The following DLGAP2 variants were observed in gnomAD, a reference collection of about 807,000 sequenced individuals.
DLGAP2 encodes disks large-associated protein 2.
A neutral mutation model predicts 100.3 loss-of-function variants in DLGAP2; 26 were observed. The observed-to-expected ratio is 0.26, with a 90% confidence interval of 0.19 to 0.36. The LOEUF (loss-of-function observed/expected upper bound fraction) is 0.36, where lower values mean the gene tolerates loss of function less well. DLGAP2 is among the 10% of genes least tolerant of loss of function. The probability of loss-of-function intolerance (pLI) is 1.00; values close to 1 mark genes in which losing one functional copy is unlikely to be tolerated. For missense variants in DLGAP2, 1,858 were observed against 1,453.2 expected, an observed-to-expected ratio of 1.28 and a Z score of -4.53; for synonymous variants, 886 against 630.1, an observed-to-expected ratio of 1.41 and a Z score of -6.08.
chr8:1,351,360 C>A (rs1332770538), intron 3 of DLGAP2, among the ~76,000 whole-genome samples: 1 of 39,636 alleles, frequency 2.5e-5, no homozygotes, highest in African/African-American at 7.9e-5. Flanking sequence ...CGTGCGGGTC[C>A]TGACTGTGTG....
At chr8:1,276,063 A>G (rs1450542016) in intron 3 of DLGAP2, among the ~76,000 whole-genome samples, 1 of 138,754 alleles carries the variant, frequency 7.2e-6, no homozygotes, top group Non-Finnish European at 1.5e-5. Flanking sequence ...ATATATAAAA[A>G]TAAATATATA....
intron 3 of DLGAP2, among the ~76,000 whole-genome samples, chr8:1,482,676 C>G (rs1170287918): frequency 6.6e-6 from 1 of 152,194 alleles, no homozygotes; most frequent in Non-Finnish European, 1.5e-5. Flanking sequence ...CGCGGTGGTT[C>G]CCACGGCCGC....
intron 3 of DLGAP2, among the ~76,000 whole-genome samples, chr8:1,329,945 T>C (rs1801110993): frequency 6.6e-6 from 1 of 152,222 alleles, no homozygotes; most frequent in African/African-American, 2.4e-5. Flanking sequence ...ACCCCAGAGC[T>C]TCCTCTCCCC....
chr8:1,122,091 C>A lies in DLGAP2; in HGVS notation c.74-136760C>A, dbSNP rs369282835. ...AGCCATTGAGCCAGAGATTGCACTC[C>A]CTTAGGTGAACTTTGAGCCAGATGT... On this transcript the variant is annotated intron_variant, in intron 2 of 14. Transcript: ENST00000637795. Among the ~76,000 whole-genome samples, 315 of 152,264 alleles carry A rather than the reference C, an allele frequency of 2.1e-3. 1 individual carries two copies. Among genetic ancestry groups the A allele is most frequent in the African/African-American group, 6.4e-3 (264 of 41,540 alleles).
intron 3 of DLGAP2, among the ~76,000 whole-genome samples, chr8:1,459,360 C>T (rs546286974): frequency 1.1e-4 from 16 of 152,370 alleles, no homozygotes; most frequent in African/African-American, 3.8e-4. Flanking sequence ...CCAGGGGTCA[C>T]CCTATTCTGC....
chr8:1,632,565 C>T (rs1473539181), intron 7 of DLGAP2, among the ~76,000 whole-genome samples: 1 of 152,188 alleles, frequency 6.6e-6, no homozygotes, highest in Non-Finnish European at 1.5e-5. Flanking sequence ...TAACTGTCAG[C>T]CTTACCTTGA....
At chr8:1,565,549 C>A in intron 5 of DLGAP2, 134 bp from the exon 6 acceptor site, 1 of 698,232 alleles carries the variant, frequency 1.4e-6, no homozygotes, top group Non-Finnish European at 2.3e-6. Flanking sequence ...TTTTATACAT[C>A]TGACTTTAAC....
At chr8:1,307,054 A>C (rs1225619630) in intron 3 of DLGAP2, among the ~76,000 whole-genome samples, 2 of 152,208 alleles carry the variant, frequency 1.3e-5, no homozygotes, top group Non-Finnish European at 2.9e-5. Context: ...ATCAGAATTA[A>C]AGCTTGTGTG....
intron 3 of DLGAP2, among the ~76,000 whole-genome samples, chr8:1,319,049 C>T (rs1457159627): frequency 6.8e-6 from 1 of 146,704 alleles, no homozygotes; most frequent in African/African-American, 2.5e-5. Flanking sequence ...CAATGGGCTC[C>T]CTGTTGCTCG....
At chr8:1,236,775 CTCTCACATGGCGCCGTGTCT>C (rs1798664692) in intron 2 of DLGAP2, among the ~76,000 whole-genome samples, 1 of 70,634 alleles carries the variant, frequency 1.4e-5, no homozygotes, top group African/African-American at 6.7e-5. Flanking sequence ...GTGTCTAGTT[CTCTCACATGGCGCCGTGTCT>C]AGTTACCTCT....
chr8:1,282,404 C>T (rs1799836236), intron 3 of DLGAP2, among the ~76,000 whole-genome samples: 2 of 140,344 alleles, frequency 1.4e-5, no homozygotes, highest in South Asian at 2.5e-4. Context: ...CGTGGTGTGA[C>T]CTGAACCCAG....
intron 2 of DLGAP2, among the ~76,000 whole-genome samples, chr8:1,135,503 G>GGTTTTTTTT (rs1554490362): frequency 1.1e-5 from 1 of 92,194 alleles, no homozygotes; most frequent in Non-Finnish European, 2.0e-5. Flanking sequence ...TTTTTTGTGG[G>GGTTTTTTTT]TTTTTTTTTT....
intron 3 of DLGAP2, among the ~76,000 whole-genome samples, chr8:1,428,412 C>A (rs183735953): frequency 6.6e-6 from 1 of 151,946 alleles, no homozygotes; most frequent in African/African-American, 2.4e-5. Context: ...ATCTCTCTTT[C>A]CTTGAGAGAG....
intron 1 of DLGAP2, among the ~76,000 whole-genome samples, chr8:835,815 C>T (rs1451728727): frequency 6.6e-6 from 1 of 152,132 alleles, no homozygotes; most frequent in East Asian, 1.9e-4. Context: ...GCTTTCTCCC[C>T]GTACCAGCCG....
chr8:758,378 A>C (rs1190320731), intron 1 of DLGAP2, among the ~76,000 whole-genome samples: 1 of 152,176 alleles, frequency 6.6e-6, no homozygotes, highest in African/African-American at 2.4e-5. Context: ...TGTATTTAAA[A>C]ACTTAAAAAT....
chr8:1,283,162 C>T (rs547394407), intron 3 of DLGAP2, among the ~76,000 whole-genome samples: 232 of 148,328 alleles, frequency 1.6e-3, no homozygotes, highest in African/African-American at 5.0e-3. Flanking sequence ...ACCATCTGGA[C>T]GTGGTGTGAC....
chr8:822,124 C>T, intron 1 of DLGAP2: 1 of 399,642 alleles, frequency 2.5e-6, no homozygotes, highest in Non-Finnish European at 4.4e-6. Flanking sequence ...GGCCCTAGCC[C>T]TGCGCGGCTT....
At chr8:1,567,517 T>C (rs761175795) in intron 6 of DLGAP2, among the ~76,000 whole-genome samples, 6 of 152,182 alleles carry the variant, frequency 3.9e-5, no homozygotes, top group Non-Finnish European at 7.3e-5. Context: ...GACTAAGTGT[T>C]TTAAGAATTA....
At chr8:1,306,674 G>C (rs188549687) in intron 3 of DLGAP2, among the ~76,000 whole-genome samples, 2 of 152,004 alleles carry the variant, frequency 1.3e-5, no homozygotes, top group Non-Finnish European at 2.9e-5. Flanking sequence ...AAATAGTGTG[G>C]TTAAGTGCTG....
Sources: allele counts gnomAD v4.1 joint callset (sites outside exome capture counted in the v4.1 genomes callset), GRCh38; gene constraint gnomAD v4.1.1; transcripts MANE v1.5; gene names NCBI Gene and HGNC (gene_info 2026-07-23, HGNC 2026-07-21).